The following ASTN2 variants were observed in gnomAD, a reference collection of about 807,000 sequenced individuals.
The protein encoded by ASTN2 is astrotactin-2.
A neutral mutation model predicts 139.8 loss-of-function variants in ASTN2; 54 were observed. That is an observed-to-expected ratio of 0.39 (90% confidence interval 0.31 to 0.48). The LOEUF (loss-of-function observed/expected upper bound fraction) is 0.48, where lower values mean the gene tolerates loss of function less well. Ranked by LOEUF, ASTN2 falls within the 20% of genes least tolerant of loss-of-function variation. The probability of loss-of-function intolerance (pLI) is 0.95; values close to 1 mark genes in which losing one functional copy is unlikely to be tolerated. For missense variants in ASTN2, 1,565 were observed against 1,725.1 expected (o/e 0.91, Z 1.64); for synonymous variants, 756 against 719.5 (o/e 1.05, Z -0.81).
chr9:116,682,193 A>T (rs1439699381), intron 16 of ASTN2, among the ~76,000 whole-genome samples: 2 of 152,158 alleles, frequency 1.3e-5, no homozygotes, highest in African/African-American at 4.8e-5. Flanking sequence ...AAAACAAACA[A>T]CCCCATCAAA....
At chr9:116,724,524 A>G (rs1433455914) in intron 16 of ASTN2, among the ~76,000 whole-genome samples, 1 of 152,184 alleles carries the variant, frequency 6.6e-6, no homozygotes, top group Non-Finnish European at 1.5e-5. Flanking sequence ...AAAGCACTAG[A>G]CAGGAGGTGT....
At chr9:116,767,153 T>TAC (rs34813123) in intron 13 of ASTN2, among the ~76,000 whole-genome samples, 74,518 of 150,392 alleles carry the variant, frequency 0.5, 18,387 homozygotes, top group South Asian at 0.56. Context: ...ATCCTACATA[T>TAC]ACACACACAC....
chr9:117,087,238 G>A (rs1828590040), intron 5 of ASTN2, among the ~76,000 whole-genome samples: 1 of 151,344 alleles, frequency 6.6e-6, no homozygotes, highest in Non-Finnish European at 1.5e-5. Flanking sequence ...TTGTTTGTTT[G>A]TTTGTTTGTT....
intron 16 of ASTN2, among the ~76,000 whole-genome samples, chr9:116,703,579 G>A (rs1480878574): frequency 6.6e-6 from 1 of 151,208 alleles, no homozygotes; most frequent in Non-Finnish European, 1.5e-5. Flanking sequence ...ACTGTGGTGG[G>A]GTGGGGGGAG....
Position 116,544,723 on chromosome 9 carries a change from G to A in ASTN2, c.3356-57223C>T, listed in dbSNP as rs996089342. On this transcript the variant is annotated intron_variant, in intron 19 of 22. Transcript: ENST00000313400. ...CCAAAGGTCACACTTTGGATTAGGCGCTAGGGGCCAGGCCTCTAGACCACA... is the reference window on the plus strand; with the variant it reads ...CCAAAGGTCACACTTTGGATTAGGCACTAGGGGCCAGGCCTCTAGACCACA... Among the ~76,000 whole-genome samples the A allele has an allele frequency of 1.2e-4, 18 of 152,234 alleles. No homozygotes were observed. In the South Asian group the frequency reaches 2.9e-3, roughly 25 times the overall value.
intron 2 of ASTN2, among the ~76,000 whole-genome samples, chr9:117,235,565 A>C (rs1005092237): frequency 3.3e-5 from 5 of 152,174 alleles, no homozygotes; most frequent in African/African-American, 1.2e-4. Context: ...ATGTAAAATA[A>C]ACTACTACTA....
intron 13 of ASTN2, among the ~76,000 whole-genome samples, chr9:116,736,705 CT>C: frequency 6.6e-6 from 1 of 152,274 alleles, no homozygotes; most frequent in African/African-American, 2.4e-5. Context: ...TTTCCATGGA[CT>C]TACATAATGG....
chr9:117,249,513 G>T (rs1833477891), intron 2 of ASTN2, among the ~76,000 whole-genome samples: 1 of 152,224 alleles, frequency 6.6e-6, no homozygotes, highest in African/African-American at 2.4e-5. Flanking sequence ...TTGTTCAAAT[G>T]AAATTTTACA....
intron 6 of ASTN2, among the ~76,000 whole-genome samples, chr9:117,019,582 T>TA (rs1173768157): frequency 2.0e-5 from 3 of 152,206 alleles, no homozygotes; most frequent in East Asian, 1.9e-4. Flanking sequence ...GGTAAGGAGA[T>TA]AAAAAAATAA....
At chr9:117,381,558 C>T (rs549667981) in intron 1 of ASTN2, among the ~76,000 whole-genome samples, 3 of 152,214 alleles carry the variant, frequency 2.0e-5, no homozygotes, top group Admixed American at 2.0e-4. Context: ...CTCTCTTGCT[C>T]CTGCTTTTGC....
chr9:117,278,554 A>T (rs1834249740), intron 2 of ASTN2, among the ~76,000 whole-genome samples: 1 of 152,194 alleles, frequency 6.6e-6, no homozygotes, highest in African/African-American at 2.4e-5. Context: ...CAGGAGAGAA[A>T]TTTTAGAGGC....
chr9:116,455,348 CAAAAAAAAAAAA>C (rs34816182), intron 20 of ASTN2, among the ~76,000 whole-genome samples: 1 of 123,786 alleles, frequency 8.1e-6, no homozygotes. Flanking sequence ...GATTCTGTCT[CAAAAAAAAAAAA>C]AAAAAGAAAA....
chr9:117,364,659 A>C (rs1435309931), intron 1 of ASTN2, among the ~76,000 whole-genome samples: 5 of 152,124 alleles, frequency 3.3e-5, no homozygotes, highest in Non-Finnish European at 7.4e-5. Flanking sequence ...AGCTATAGAA[A>C]TGAAGAGATG....
At chr9:116,648,005 C>CTTT (rs71377260) in intron 17 of ASTN2, among the ~76,000 whole-genome samples, 56 of 141,022 alleles carry the variant, frequency 4.0e-4, no homozygotes, top group Non-Finnish European at 5.7e-4. Flanking sequence ...TTTTTCTTTT[C>CTTT]TTTTTTTTTT....
intron 4 of ASTN2, among the ~76,000 whole-genome samples, chr9:117,135,686 G>A (rs560537101): frequency 1.5e-4 from 23 of 152,314 alleles, no homozygotes; most frequent in Admixed American, 5.9e-4. Flanking sequence ...GGCTATGAGT[G>A]CTCAGAGAAA....
chr9:117,082,042 G>C (rs1298846597), intron 5 of ASTN2, among the ~76,000 whole-genome samples: 1 of 152,148 alleles, frequency 6.6e-6, no homozygotes, highest in Non-Finnish European at 1.5e-5. Flanking sequence ...CATGTTCTTT[G>C]AAGCTGCTAT....
chr9:117,245,063 G>T (rs1185092155), intron 2 of ASTN2, among the ~76,000 whole-genome samples: 2 of 152,026 alleles, frequency 1.3e-5, no homozygotes, highest in Non-Finnish European at 2.9e-5. Flanking sequence ...GGTGGCTAAA[G>T]CATTGAACAA....
chr9:117,385,376 TA>T (rs1830370538), intron 1 of ASTN2, among the ~76,000 whole-genome samples: 1 of 152,144 alleles, frequency 6.6e-6, no homozygotes, highest in South Asian at 2.1e-4. Context: ...AAATAATTTT[TA>T]ACTGTTTCTA....
chr9:117,305,685 G>A lies in ASTN2; in HGVS notation c.443-14172C>T, dbSNP rs117631844. Reference sequence around the variant, plus strand: ...TATCACAGTACCTAGACAGTGCCTGGTAAAATGTAACCACTTAATCTAAAA... The same window carrying A: ...TATCACAGTACCTAGACAGTGCCTGATAAAATGTAACCACTTAATCTAAAA... On this transcript the variant is annotated intron_variant, in intron 1 of 22. Transcript: ENST00000313400. 3.1e-3 allele frequency among the ~76,000 whole-genome samples: 476 copies of A among 152,294 alleles called. 1 individual carries two copies. The highest frequency in any genetic ancestry group is 5.5e-3 in the Non-Finnish European group (376 of 68,018).
Sources: gnomAD v4.1 joint callset for allele counts (sites outside exome capture counted in the v4.1 genomes callset) on GRCh38, gnomAD v4.1.1 for gene constraint, MANE v1.5 for transcripts, NCBI Gene and HGNC (gene_info 2026-07-23, HGNC 2026-07-21) for gene names.